PRKCA: variants seen among roughly 807,000 people sequenced by gnomAD.
The protein encoded by PRKCA is protein kinase C alpha type.
In PRKCA, 27 loss-of-function variants were observed where a neutral mutation model predicts 87.0. That is an observed-to-expected ratio of 0.31 (90% CI 0.23 to 0.43). PRKCA has a LOEUF of 0.43. Ranked by LOEUF, PRKCA falls within the 20% of genes least tolerant of loss-of-function variation. The probability of loss-of-function intolerance (pLI) is 1.00; values close to 1 mark genes in which losing one functional copy is unlikely to be tolerated. For missense variants in PRKCA, 518 were observed against 852.3 expected (o/e 0.61, Z 4.88); for synonymous variants, 329 against 311.1 (o/e 1.06, Z -0.61).
chr17:66,671,557 C>T (rs1972184964), intron 5 of PRKCA, among the ~76,000 whole-genome samples: 1 of 152,134 alleles, frequency 6.6e-6, no homozygotes, highest in Non-Finnish European at 1.5e-5. Flanking sequence ...GATTAAACTG[C>T]CCACCATTTT....
chr17:66,735,728 T>G, intron 10 of PRKCA, 66 bp downstream of exon 10: 2 of 1,537,296 alleles, frequency 1.3e-6, no homozygotes, highest in Non-Finnish European at 1.8e-6. Flanking sequence ...AGCCCAAAGC[T>G]TCTTAGCATC....
At chr17:66,317,847 A>G (rs1440640137) in intron 2 of PRKCA, among the ~76,000 whole-genome samples, 1 of 152,240 alleles carries the variant, frequency 6.6e-6, no homozygotes, top group Non-Finnish European at 1.5e-5. Flanking sequence ...TCCTAAGTGA[A>G]TGAACTGTCC....
chr17:66,650,255 C>A (rs2143840655), intron 5 of PRKCA, among the ~76,000 whole-genome samples: 1 of 152,276 alleles, frequency 6.6e-6, no homozygotes, highest in African/African-American at 2.4e-5. Flanking sequence ...AGTTTTCTTT[C>A]TAGCTTGGTG....
intron 5 of PRKCA, among the ~76,000 whole-genome samples, chr17:66,679,029 A>G (rs1438256726): frequency 1.3e-5 from 2 of 152,158 alleles, no homozygotes; most frequent in Admixed American, 6.5e-5. Context: ...CACTGGGTAC[A>G]TCATGGTCTT....
At chr17:66,633,927 T>C (rs1428770882) in intron 3 of PRKCA, among the ~76,000 whole-genome samples, 1 of 152,226 alleles carries the variant, frequency 6.6e-6, no homozygotes, top group African/African-American at 2.4e-5. Flanking sequence ...TTACCTAGAA[T>C]ATGACTTCCA....
At chr17:66,533,884 G>T (rs1050010731) in intron 3 of PRKCA, among the ~76,000 whole-genome samples, 1 of 152,136 alleles carries the variant, frequency 6.6e-6, no homozygotes, top group African/African-American at 2.4e-5. Context: ...TAAACAAGTT[G>T]TCTGGAGGTT....
intron 2 of PRKCA, among the ~76,000 whole-genome samples, chr17:66,378,551 C>A (rs1342114636): frequency 6.6e-6 from 1 of 152,112 alleles, no homozygotes; most frequent in African/African-American, 2.4e-5. Context: ...CCCTGGCAAC[C>A]ATGAATCTAC....
intron 3 of PRKCA, among the ~76,000 whole-genome samples, chr17:66,625,128 A>G (rs1459970437): frequency 6.6e-6 from 1 of 152,222 alleles, no homozygotes; most frequent in African/African-American, 2.4e-5. Flanking sequence ...TTCTGTTTGT[A>G]CAGAACGTTT....
rs1398192737 is a variant in PRKCA, at chr17:66,796,628, A to G, written c.1855-7245A>G. ...CCTGAGCATGCTAATCTTCAGAGAA[A>G]GGGCAGACCAATGGCCAGACCCCTT... is the stretch of plus-strand genomic sequence containing the variant. On this transcript the variant is annotated intron_variant, in intron 16 of 16. Transcript: ENST00000413366. The G allele has an allele frequency of 3.0e-6, 3 of 985,242 alleles. No homozygotes were observed. In the African/African-American group the frequency reaches 5.2e-5, roughly 17 times the overall value. 61.0% of individuals were successfully genotyped at this position (985,242 alleles called of 1,614,324 possible).
intron 5 of PRKCA, among the ~76,000 whole-genome samples, chr17:66,674,794 G>A (rs981140589): frequency 6.6e-6 from 1 of 152,228 alleles, no homozygotes; most frequent in Non-Finnish European, 1.5e-5. Flanking sequence ...AATGATTCCA[G>A]TGAATCAGTC....
intron 13 of PRKCA, among the ~76,000 whole-genome samples, chr17:66,751,708 C>T (rs546586503): frequency 6.6e-6 from 1 of 152,248 alleles, no homozygotes; most frequent in African/African-American, 2.4e-5. Flanking sequence ...CCAGCTTTTC[C>T]CTAGCACCTC....
chr17:66,303,057 C>A, intron 1 of PRKCA, 33 bp downstream of exon 1: 1 of 1,583,590 alleles, frequency 6.3e-7, no homozygotes, highest in South Asian at 1.1e-5. Flanking sequence ...CTGCCCCGCT[C>A]CTCCCCGCCT....
chr17:66,404,742 C>T (rs1464683284), intron 2 of PRKCA, among the ~76,000 whole-genome samples: 2 of 54,244 alleles, frequency 3.7e-5, no homozygotes, highest in Admixed American at 3.1e-4. Context: ...GATGGTAGGC[C>T]TTTTTTTTTT....
At chr17:66,533,763 G>A (rs1342538136) in intron 3 of PRKCA, among the ~76,000 whole-genome samples, 2 of 152,066 alleles carry the variant, frequency 1.3e-5, no homozygotes, top group East Asian at 1.9e-4. Flanking sequence ...TTGTTGACTC[G>A]GGGGAGCGGC....
intron 3 of PRKCA, among the ~76,000 whole-genome samples, chr17:66,639,593 G>A (rs1971236929): frequency 6.6e-6 from 1 of 152,028 alleles, no homozygotes; most frequent in South Asian, 2.1e-4. Context: ...TCACCATGTT[G>A]GCCAGGCTGG....
rs755721777 is a variant in PRKCA at position 66,442,678 on chromosome 17, T to C, written c.206-53523T>C. On this transcript the variant is annotated intron_variant, in intron 2 of 16. Coordinates refer to ENST00000413366, the MANE Select transcript of PRKCA (RefSeq NM_002737.3). ...GAATTTTGTTTGATAATTATTTAAT[T>C]CATGTTCACCTCTCCCATTAGACTG... Among the ~76,000 whole-genome samples, 18 of 152,294 alleles carry C rather than the reference T, an allele frequency of 1.2e-4. No homozygotes were observed. The South Asian group carries it at 3.7e-3, about 32-fold the overall frequency.
intron 2 of PRKCA, among the ~76,000 whole-genome samples, chr17:66,451,668 C>G (rs1175686124): frequency 6.6e-6 from 1 of 152,040 alleles, no homozygotes; most frequent in Non-Finnish European, 1.5e-5. Flanking sequence ...AAGGAAGCGC[C>G]CCCTAACGGG....
intron 14 of PRKCA, among the ~76,000 whole-genome samples, chr17:66,786,118 G>A (rs140381331): frequency 0.063 from 9,638 of 152,224 alleles, 425 homozygotes; most frequent in East Asian, 0.25. Flanking sequence ...GTGAGCCACC[G>A]CGCCCGGCCT....
intron 3 of PRKCA, among the ~76,000 whole-genome samples, chr17:66,511,985 G>A (rs1002461802): frequency 1.3e-5 from 2 of 152,072 alleles, no homozygotes; most frequent in Non-Finnish European, 2.9e-5. Flanking sequence ...CCAGCTGTCA[G>A]ATAGTGAACT....
Sources: allele counts gnomAD v4.1 joint callset (sites outside exome capture counted in the v4.1 genomes callset), GRCh38; gene constraint gnomAD v4.1.1; transcripts MANE v1.5; gene names NCBI Gene and HGNC (gene_info 2026-07-23, HGNC 2026-07-21).